ATAT1: variants seen among roughly 807,000 people sequenced by gnomAD.
The protein encoded by ATAT1 is alpha tubulin acetyltransferase 1, also known as alpha-tubulin N-acetyltransferase 1.
ATAT1 carries 42 observed loss-of-function variants against 57.2 expected under a neutral mutation model. The ratio of observed to expected loss-of-function variants is 0.73; its 90% CI spans 0.57 to 0.95. ATAT1 has a LOEUF of 0.95. ATAT1 is among the 40% of genes least tolerant of loss of function. The pLI is 0.00. For missense variants in ATAT1, 454 were observed against 523.7 expected (o/e 0.87, Z 1.30); for synonymous variants, 168 against 187.1 (o/e 0.90, Z 0.83).
rs1360858574 is a variant in ATAT1, at chr6:30,643,007, A to C, written c.928A>C (p.Thr310Pro). 1 of 1,612,014 alleles carries C rather than the reference A, an allele frequency of 6.2e-7. No homozygotes were observed. Among genetic ancestry groups the C allele is most frequent in the Non-Finnish European group, 8.5e-7 (1 of 1,179,012 alleles). ...GGGCAGCCCAGCTCAACGTCGTCGC[A>C]CCAGGTAATAGGAGTTGAAGGGCTA... Residue 310 changes from threonine to proline, a missense_variant, in exon 10 of 13, where the codon ACC (threonine) becomes CCC (proline). Transcript: ENST00000330083.
At chr6:30,633,738 C>G in intron 6 of ATAT1, 1 of 205,722 alleles carries the variant, frequency 4.9e-6, no homozygotes, top group Non-Finnish European at 1.1e-5. Flanking sequence ...CTAACGGGAA[C>G]GCTAATGAGG....
chr6:30,634,857 G>A (rs1763723200), intron 6 of ATAT1, among the ~76,000 whole-genome samples: 3 of 151,610 alleles, frequency 2.0e-5, no homozygotes. Flanking sequence ...GCGTGGTGGC[G>A]GGAGCCTGTA....
chr6:30,640,684 G>C, intron 8 of ATAT1, 81 bp downstream of exon 8: 1 of 1,535,736 alleles, frequency 6.5e-7, no homozygotes, highest in South Asian at 1.1e-5. Context: ...AGTGCCATCT[G>C]TGGGCAATTT....
chr6:30,645,962 T>TC lies in ATAT1; in HGVS notation c.1005dup (p.Asn336GlnfsTer17), dbSNP rs866807368. Reference sequence around the variant, plus strand: ...CCGCCATGGGGGGGTGAATTCCTCATCCCCCAATACAGGTAAGTATTCACT... The same window carrying TC: ...CCGCCATGGGGGGGTGAATTCCTCATCCCCCCAATACAGGTAAGTATTCACT... On this transcript the variant is annotated frameshift_variant, in exon 11 of 13. Transcript: ENST00000330083. LOFTEE classifies it high-confidence loss of function. 9.0e-6 allele frequency: 14 copies of TC among 1,552,312 alleles called. No homozygotes were observed. The highest frequency in any genetic ancestry group is 1.4e-5 in the African/African-American group (1 of 73,148).
chr6:30,633,801 T>C, intron 6 of ATAT1: 1 of 174,266 alleles, frequency 5.7e-6, no homozygotes, highest in Non-Finnish European at 1.4e-5. Flanking sequence ...AGGAACAGGG[T>C]GGGGAGAAAG....
intron 8 of ATAT1, chr6:30,641,784 C>A: frequency 9.7e-7 from 1 of 1,031,790 alleles, no homozygotes; most frequent in East Asian, 8.8e-5. Context: ...TCCATCTCAT[C>A]CAGAGGAACC....
In ATAT1 at chr6:30,627,136, C is replaced by G. The variant is rs1157207718; in HGVS notation, c.-68C>G. ...TTTTTGGTGACCTCTGACCCTGGGC[C>G]TAGTGGGATTGATCAGCGCTTGGAT... On this transcript the variant is annotated 5_prime_UTR_variant, in exon 1 of 13. Transcript: ENST00000330083. The G allele has an allele frequency of 1.2e-6, 2 of 1,605,582 alleles. No individual in the cohort carries two copies. The highest frequency in any genetic ancestry group is 1.7e-6 in the Non-Finnish European group (2 of 1,175,872).
rs529266413 is a variant in ATAT1 at position 30,644,669 on chromosome 6, C to CA, written c.933-1216dup. 4,478 of 840,402 alleles carry CA rather than the reference C, an allele frequency of 5.3e-3. 1 individual carries two copies. The highest frequency in any genetic ancestry group is 5.8e-3 in the Non-Finnish European group (4,068 of 698,866). The allele number at this position is 840,402 out of a possible 1,614,324, so 52.1% of individuals were successfully genotyped here. ...ACATTTTCAATGAAAAAAAGAATCA[C>CA]AAAAAAAAAAGTTGTCAGCCTCATT... On this transcript the variant is annotated intron_variant, in intron 10 of 12. Coordinates refer to ENST00000330083, the MANE Select transcript of ATAT1 (RefSeq NM_001031722.4).
At chr6:30,631,145 T>A (rs1762783251) in intron 6 of ATAT1, among the ~76,000 whole-genome samples, 1 of 151,770 alleles carries the variant, frequency 6.6e-6, no homozygotes, top group Non-Finnish European at 1.5e-5. Context: ...TGAAAGGGGA[T>A]CATCACTGAG....
At chr6:30,629,689 T>C (rs1762435335) in intron 6 of ATAT1, among the ~76,000 whole-genome samples, 1 of 152,078 alleles carries the variant, frequency 6.6e-6, no homozygotes, top group Non-Finnish European at 1.5e-5. Context: ...GGACTACAGG[T>C]GCCCACCACC....
In ATAT1 at chr6:30,626,911, C is replaced by T. The variant is rs1761773129; in HGVS notation, c.-293C>T. On this transcript the variant is annotated 5_prime_UTR_variant, in exon 1 of 13. Transcript: ENST00000330083. ...ATGGAGTTCCCGTTCGATGTGGACG[C>T]GCTGTTCCCGGAGCGGATCACGGTG... is the stretch of plus-strand genomic sequence containing the variant. 6.2e-7 allele frequency: 1 copy of T among 1,608,746 alleles called. No homozygotes were observed. The highest frequency in any genetic ancestry group is 1.7e-5 in the Admixed American group (1 of 59,490).
At chr6:30,631,318 C>T (rs886419389) in intron 6 of ATAT1, among the ~76,000 whole-genome samples, 10 of 151,724 alleles carry the variant, frequency 6.6e-5, no homozygotes, top group Non-Finnish European at 1.3e-4. Flanking sequence ...CCTGTCTCCA[C>T]TAAAAAAAAT....
chr6:30,631,063 G>A (rs1307627060), intron 6 of ATAT1, among the ~76,000 whole-genome samples: 5 of 152,148 alleles, frequency 3.3e-5, no homozygotes, highest in African/African-American at 1.2e-4. Context: ...AAGTGCTCTG[G>A]AAAAATGAGA....
At chr6:30,632,180 T>G (rs542700001) in intron 6 of ATAT1, among the ~76,000 whole-genome samples, 3 of 147,950 alleles carry the variant, frequency 2.0e-5, no homozygotes, top group Non-Finnish European at 4.4e-5. Context: ...GGCAGGAGAA[T>G]CACTAGAACC....
chr6:30,631,206 G>A (rs1276588927), intron 6 of ATAT1, among the ~76,000 whole-genome samples: 6 of 151,358 alleles, frequency 4.0e-5, no homozygotes, highest in South Asian at 2.1e-4. Flanking sequence ...AAAACTGGCC[G>A]GGCACGGTGG....
intron 10 of ATAT1, chr6:30,644,299 C>T (rs1435601982): frequency 4.5e-5 from 44 of 985,670 alleles, no homozygotes; most frequent in Non-Finnish European, 5.3e-5. Flanking sequence ...TGTCAAGGAT[C>T]TGTTAGATCC....
Position 30,642,848 on chromosome 6 carries a change from C to CG in ATAT1, c.770dup (p.Ser258LeufsTer42). On this transcript the variant is annotated frameshift_variant, in exon 10 of 13. Coordinates refer to ENST00000330083, the MANE Select transcript of ATAT1 (RefSeq NM_001031722.4). LOFTEE classifies it high-confidence loss of function. ...CACACCTCCAGCCCACCCACCCCCC[C>CG]GCTCCAGCAGCCTGGGAAACTCACC... 6.3e-7 allele frequency: 1 copy of CG among 1,591,500 alleles called. No individual in the cohort carries two copies. Among genetic ancestry groups the CG allele is most frequent in the Non-Finnish European group, 8.6e-7 (1 of 1,169,258 alleles).
chr6:30,642,440 C>T (rs1400387781), intron 9 of ATAT1, among the ~76,000 whole-genome samples, 193 bp downstream of exon 9: 1 of 152,048 alleles, frequency 6.6e-6, no homozygotes, highest in Admixed American at 6.6e-5. Flanking sequence ...TCCAGGGGTT[C>T]AAGACCAGCC....
chr6:30,641,566 GA>G (rs1458727422), intron 8 of ATAT1, among the ~76,000 whole-genome samples: 1 of 152,150 alleles, frequency 6.6e-6, no homozygotes, highest in Non-Finnish European at 1.5e-5. Context: ...GAGAAGTGAG[GA>G]GGGGGAGGCT....
Sources: gnomAD v4.1 joint callset for allele counts (sites outside exome capture counted in the v4.1 genomes callset) on GRCh38, gnomAD v4.1.1 for gene constraint, MANE v1.5 for transcripts, NCBI Gene and HGNC (gene_info 2026-07-23, HGNC 2026-07-21) for gene names.